Variants in PAG1 observed in about 807,000 individuals in gnomAD.
PAG1 encodes phosphoprotein associated with glycosphingolipid-enriched microdomains 1.
In PAG1, 23 loss-of-function variants were observed where a neutral mutation model predicts 31.7. That is an observed-to-expected ratio of 0.73 (90% CI 0.52 to 1.03). The LOEUF (loss-of-function observed/expected upper bound fraction) is 1.03, where lower values mean the gene tolerates loss of function less well. PAG1 is among the 50% of genes least tolerant of loss of function. The probability of loss-of-function intolerance (pLI) is 0.00; values close to 1 mark genes in which losing one functional copy is unlikely to be tolerated. For missense variants in PAG1, 473 were observed against 540.7 expected, an observed-to-expected ratio of 0.87 and a Z score of 1.24; for synonymous variants, 214 against 210.3, an observed-to-expected ratio of 1.02 and a Z score of -0.15.
rs115027160 is a variant in PAG1 at position 81,067,032 on chromosome 8, C to T, written c.-175+3080G>A. On this transcript the variant is annotated intron_variant, in intron 2 of 8. Transcript: ENST00000220597. ...AAAAAAGTAGCCAGGCATGGTGGCA[C>T]GTGCCTGTATTCCTAGCTACCTGGA... Among the ~76,000 whole-genome samples the T allele has an allele frequency of 3.2e-3, 485 of 152,216 alleles. 2 individuals are homozygous for T. Among genetic ancestry groups the T allele is most frequent in the African/African-American group, 0.011 (454 of 41,516 alleles).
At chr8:81,068,533 T>C (rs1809044007) in intron 2 of PAG1, among the ~76,000 whole-genome samples, 1 of 152,224 alleles carries the variant, frequency 6.6e-6, no homozygotes, top group South Asian at 2.1e-4. Context: ...AGCATTATTG[T>C]TGAGAAGAAT....
chr8:81,033,317 T>C (rs992440264), intron 2 of PAG1, among the ~76,000 whole-genome samples: 4 of 152,246 alleles, frequency 2.6e-5, no homozygotes, highest in Admixed American at 2.6e-4. Flanking sequence ...ATGCCCTGAC[T>C]GGGACAACTT....
intron 1 of PAG1, among the ~76,000 whole-genome samples, chr8:81,083,776 TA>T (rs1301405415): frequency 6.6e-6 from 1 of 152,220 alleles, no homozygotes; most frequent in African/African-American, 2.4e-5. Flanking sequence ...GGCTTACACC[TA>T]TGATCCCAGC....
chr8:81,061,412 T>A (rs1461879795), intron 2 of PAG1, among the ~76,000 whole-genome samples: 1 of 152,208 alleles, frequency 6.6e-6, no homozygotes, highest in African/African-American at 2.4e-5. Context: ...CAAATGCTCA[T>A]CATGTTGACA....
Position 81,063,535 on chromosome 8 carries a change from A to T in PAG1, c.-175+6577T>A, listed in dbSNP as rs139244236. Among the ~76,000 whole-genome samples the T allele has an allele frequency of 4.7e-3, 722 of 152,294 alleles. 4 individuals are homozygous for T. The highest frequency in any genetic ancestry group is 0.02 in the South Asian group (95 of 4,826). ...TGGGAGTCTCTAAAAAACATTTTTTAAAGTTTTTTTTTAAGTACTAGAACC... is the reference window on the plus strand; with the variant it reads ...TGGGAGTCTCTAAAAAACATTTTTTTAAGTTTTTTTTTAAGTACTAGAACC... On this transcript the variant is annotated intron_variant, in intron 2 of 8. Transcript: ENST00000220597.
At chr8:81,008,262 C>T (rs1198779840) in intron 3 of PAG1, among the ~76,000 whole-genome samples, 2 of 152,082 alleles carry the variant, frequency 1.3e-5, no homozygotes, top group Admixed American at 6.5e-5. Flanking sequence ...CAAAATTCTA[C>T]TTCATTATAC....
At chr8:81,076,047 T>C (rs569886004) in intron 1 of PAG1, among the ~76,000 whole-genome samples, 2 of 152,366 alleles carry the variant, frequency 1.3e-5, no homozygotes, top group South Asian at 4.1e-4. Flanking sequence ...TATAACAAAC[T>C]GGCTTATCAC....
At chr8:81,094,256 C>T (rs1369288543) in intron 1 of PAG1, among the ~76,000 whole-genome samples, 1 of 152,152 alleles carries the variant, frequency 6.6e-6, no homozygotes, top group African/African-American at 2.4e-5. Flanking sequence ...ATACCCTATC[C>T]ACATGAGCAA....
chr8:81,047,999 C>T (rs931127870), intron 2 of PAG1, among the ~76,000 whole-genome samples: 7 of 152,284 alleles, frequency 4.6e-5, no homozygotes, highest in South Asian at 2.1e-4. Flanking sequence ...GCACCATTTC[C>T]GAAAGCTCCT....
intron 3 of PAG1, among the ~76,000 whole-genome samples, chr8:81,024,615 G>A (rs1808244249): frequency 6.6e-6 from 1 of 152,158 alleles, no homozygotes; most frequent in Non-Finnish European, 1.5e-5. Flanking sequence ...CTACCTAAAA[G>A]ACTAAAGGGC....
intron 1 of PAG1, among the ~76,000 whole-genome samples, chr8:81,103,872 T>C (rs534651628): frequency 1.3e-5 from 2 of 152,316 alleles, no homozygotes; most frequent in South Asian, 2.1e-4. Context: ...AGGCACTTCA[T>C]GCACCAACAA....
At chr8:81,024,726 A>G (rs564707889) in intron 3 of PAG1, among the ~76,000 whole-genome samples, 5 of 152,350 alleles carry the variant, frequency 3.3e-5, no homozygotes, top group African/African-American at 1.2e-4. Flanking sequence ...TCTGTTAATT[A>G]CAAAGCTGTG....
At chr8:81,081,394 C>T (rs935286976) in intron 1 of PAG1, among the ~76,000 whole-genome samples, 1 of 152,132 alleles carries the variant, frequency 6.6e-6, no homozygotes, top group Non-Finnish European at 1.5e-5. Context: ...GATTCACAAG[C>T]AGTTACTTAT....
At position 80,978,927 on chromosome 8, in the gene PAG1, A is replaced by G. The variant is rs76099413; in HGVS notation, c.936+1508T>C. Among the ~76,000 whole-genome samples, 244 of 152,036 alleles carry G rather than the reference A, an allele frequency of 1.6e-3. 2 individuals are homozygous for G. In the East Asian group the frequency reaches 0.042, roughly 26 times the overall value. ...AATTGTTGCTATATTCCCATAAGTT[A>G]CTCTCTTCCTTTTCCCCATTTCTCT... On this transcript the variant is annotated intron_variant, in intron 8 of 8. Coordinates refer to ENST00000220597, the MANE Select transcript of PAG1 (RefSeq NM_018440.4).
chr8:81,032,821 C>A (rs1386665293), intron 2 of PAG1, among the ~76,000 whole-genome samples: 2 of 152,104 alleles, frequency 1.3e-5, no homozygotes, highest in Non-Finnish European at 2.9e-5. Context: ...GAAACAATGC[C>A]CCTCAACTGG....
chr8:81,076,765 C>T (rs1411864194), intron 1 of PAG1, among the ~76,000 whole-genome samples: 1 of 152,132 alleles, frequency 6.6e-6, no homozygotes, highest in African/African-American at 2.4e-5. Context: ...TTAATGTGTT[C>T]TATATCTGGA....
chr8:80,971,552 A>G lies in PAG1; in HGVS notation c.*4992T>C, dbSNP rs941808327. 6.6e-6 allele frequency: 1 copy of G among 152,256 alleles called. No individual in the cohort carries two copies. Among genetic ancestry groups the G allele is most frequent in the African/African-American group, 2.4e-5 (1 of 41,470 alleles). The allele number at this position is 152,256 out of a possible 1,614,324, so 9.4% of individuals were successfully genotyped here. A position where few individuals can be genotyped will look rare whatever the true frequency, so the allele number is the denominator to read the frequency against. On this transcript the variant is annotated 3_prime_UTR_variant, in exon 9 of 9. Transcript: ENST00000220597. The stretch of plus-strand genomic sequence containing the variant: ...TTATCAACCTTTGTAATACATGATT[A>G]CGCAAGGTGATATGAGACAACCCAA...
intron 3 of PAG1, among the ~76,000 whole-genome samples, chr8:81,017,539 T>C (rs1808092010): frequency 6.6e-6 from 1 of 152,190 alleles, no homozygotes; most frequent in South Asian, 2.1e-4. Flanking sequence ...ACTCTCCTGG[T>C]ATTTGTAGGA....
At chr8:80,985,472 G>A (rs1001586799) in intron 6 of PAG1, 95 bp from the exon 7 acceptor site, 1 of 1,299,060 alleles carries the variant, frequency 7.7e-7, no homozygotes. Flanking sequence ...AAATCAAGAT[G>A]CGTGCTTTTT....
Sources: gnomAD v4.1 joint callset for allele counts (sites outside exome capture counted in the v4.1 genomes callset) on GRCh38, gnomAD v4.1.1 for gene constraint, MANE v1.5 for transcripts, NCBI Gene and HGNC (gene_info 2026-07-23, HGNC 2026-07-21) for gene names.